Variants in PTPRT observed in about 807,000 individuals in gnomAD.
PTPRT encodes the protein receptor-type tyrosine-protein phosphatase T.
A neutral mutation model predicts 176.8 loss-of-function variants in PTPRT; 56 were observed. That is an observed-to-expected ratio of 0.32 (90% CI 0.26 to 0.40). The LOEUF (loss-of-function observed/expected upper bound fraction) is 0.40, where lower values mean the gene tolerates loss of function less well. Ranked by LOEUF, PTPRT falls within the 10% of genes least tolerant of loss-of-function variation. The pLI, the probability that PTPRT is intolerant of heterozygous loss-of-function variation, is 1.00. For synonymous variants in PTPRT, 783 were observed against 739.0 expected, an observed-to-expected ratio of 1.06 and a Z score of -0.96; for missense variants, 1,540 against 1,908.2, an observed-to-expected ratio of 0.81 and a Z score of 3.60.
intron 13 of PTPRT, among the ~76,000 whole-genome samples, chr20:42,258,480 C>A (rs182446319): frequency 1.3e-5 from 2 of 152,248 alleles, no homozygotes; most frequent in African/African-American, 2.4e-5. Flanking sequence ...CTATATAATA[C>A]CTTTATTGAT....
At chr20:42,905,639 T>C (rs959588933) in intron 1 of PTPRT, among the ~76,000 whole-genome samples, 1 of 152,250 alleles carries the variant, frequency 6.6e-6, no homozygotes, top group African/African-American at 2.4e-5. Context: ...GTGGCACTAT[T>C]CGCAATAGCA....
At chr20:42,576,077 G>T (rs1568989441) in intron 7 of PTPRT, among the ~76,000 whole-genome samples, 1 of 152,144 alleles carries the variant, frequency 6.6e-6, no homozygotes. Context: ...ATCAGCTCTT[G>T]TTTACCCCTC....
the PTPRT span, among the ~76,000 whole-genome samples, chr20:42,040,239 C>T: frequency 6.6e-6 from 1 of 152,178 alleles, no homozygotes; most frequent in Non-Finnish European, 1.5e-5. Context: ...TGCCTTCCAA[C>T]CTAGCCATGG....
intron 7 of PTPRT, among the ~76,000 whole-genome samples, chr20:42,504,488 T>G (rs2071809529): frequency 6.6e-6 from 1 of 152,158 alleles, no homozygotes; most frequent in Admixed American, 6.6e-5. Flanking sequence ...AACTGAAAAT[T>G]AAAATCTTAT....
chr20:43,151,361 A>C (rs1265848850), intron 1 of PTPRT, among the ~76,000 whole-genome samples: 1 of 149,632 alleles, frequency 6.7e-6, no homozygotes, highest in Non-Finnish European at 1.5e-5. Flanking sequence ...GCATAGGAAC[A>C]GAAAGCTTCT....
rs1270911088 is a variant in PTPRT at position 42,665,483 on chromosome 20, A to T, written c.1153+12383T>A. 1.2e-3 allele frequency among the ~76,000 whole-genome samples: 190 copies of T among 152,200 alleles called. 1 individual carries two copies. Among genetic ancestry groups the T allele is most frequent in the Non-Finnish European group, 2.1e-3 (141 of 67,992 alleles). ...GATGTGGAGAAATAGGAACACTTTT[A>T]CACTGTTGGTGGGACTGTAAACTAG... On this transcript the variant is annotated intron_variant, in intron 7 of 30. Transcript: ENST00000373187.
chr20:42,401,664 A>G (rs143633616), intron 9 of PTPRT, among the ~76,000 whole-genome samples: 2 of 152,208 alleles, frequency 1.3e-5, no homozygotes, highest in Non-Finnish European at 2.9e-5. Context: ...CCGAGCCCCA[A>G]TCCCCTCCTT....
intron 29 of PTPRT, among the ~76,000 whole-genome samples, chr20:42,083,710 G>A (rs1983590631): frequency 6.6e-6 from 1 of 152,216 alleles, no homozygotes; most frequent in South Asian, 2.1e-4. Flanking sequence ...AGAAATATTT[G>A]TTGTAAGAAA....
intron 2 of PTPRT, among the ~76,000 whole-genome samples, chr20:42,853,217 T>C (rs192821377): frequency 4.6e-5 from 7 of 152,256 alleles, no homozygotes; most frequent in Admixed American, 3.9e-4. Context: ...AGCAGAAGCC[T>C]CATATGAAGA....
At chr20:43,125,988 G>T (rs963870614) in intron 1 of PTPRT, among the ~76,000 whole-genome samples, 1 of 152,222 alleles carries the variant, frequency 6.6e-6, no homozygotes, top group African/African-American at 2.4e-5. Flanking sequence ...TTGGGAGAAG[G>T]TTTGTCAAAA....
chr20:42,853,590 G>T (rs115906172), intron 2 of PTPRT, among the ~76,000 whole-genome samples: 1 of 152,158 alleles, frequency 6.6e-6, no homozygotes, highest in Non-Finnish European at 1.5e-5. Flanking sequence ...GAACTCCTCT[G>T]CCCTTTTGTT....
At chr20:42,269,110 A>T (rs1221804366) in intron 13 of PTPRT, among the ~76,000 whole-genome samples, 1 of 152,162 alleles carries the variant, frequency 6.6e-6, no homozygotes, top group Non-Finnish European at 1.5e-5. Context: ...GCTCAGGTAG[A>T]TGCAGATCTC....
In PTPRT at chr20:43,189,340, GGCA is replaced by G. The variant is rs2015477894; in HGVS notation, c.88+303_88+305del. ...AAGTGGCAGATTCCGACAAGTGGGA[GGCA>G]GCAAGTGGAAATATTCGCAACAACC... is the stretch of plus-strand genomic sequence containing the variant. On this transcript the variant is annotated intron_variant, in intron 1 of 30. Coordinates refer to ENST00000373187, the MANE Select transcript of PTPRT (RefSeq NM_007050.6). This position sits in a 1 kb window ranked among gnomAD's most constrained non-coding sequence, Gnocchi z 5.0. 6.6e-6 allele frequency among the ~76,000 whole-genome samples: 1 copy of G among 152,172 alleles called. No individual in the cohort carries two copies. The highest frequency in any genetic ancestry group is 6.5e-5 in the Admixed American group (1 of 15,280).
chr20:42,401,136 TAAA>T (rs2058902285), intron 9 of PTPRT, among the ~76,000 whole-genome samples: 1 of 72,220 alleles, frequency 1.4e-5, no homozygotes, highest in South Asian at 3.9e-4. Flanking sequence ...AAAACAGTAA[TAAA>T]TAAATAAATA....
chr20:42,886,033 C>T, intron 1 of PTPRT, 101 bp from the exon 2 acceptor site: 1 of 884,552 alleles, frequency 1.1e-6, no homozygotes, highest in Non-Finnish European at 1.5e-6. Context: ...GAATTTTAAA[C>T]TCTGGAGAAG....
At chr20:42,959,955 A>G (rs1373219045) in intron 1 of PTPRT, among the ~76,000 whole-genome samples, 1 of 152,036 alleles carries the variant, frequency 6.6e-6, no homozygotes, top group Non-Finnish European at 1.5e-5. Flanking sequence ...ATCTCATCCC[A>G]TGCTCAGGTT....
chr20:42,956,146 C>T (rs950699231), intron 1 of PTPRT, among the ~76,000 whole-genome samples: 4 of 152,172 alleles, frequency 2.6e-5, no homozygotes, highest in African/African-American at 9.7e-5. Flanking sequence ...CCAGATCCTA[C>T]CCCGTAGTAT....
Position 42,248,751 on chromosome 20 carries a change from C to G in PTPRT, c.2248G>C (p.Val750Leu). The G allele has an allele frequency of 1.9e-6, 3 of 1,614,068 alleles. No individual in the cohort carries two copies. The highest frequency in any genetic ancestry group is 2.5e-6 in the Non-Finnish European group (3 of 1,179,980). Residue 750 changes from valine to leucine, a missense_variant, in exon 14 of 31, where the codon GTG becomes CTG. Coordinates refer to ENST00000373187, the MANE Select transcript of PTPRT (RefSeq NM_007050.6). Reference sequence around the variant, plus strand: ...ATGAACATGAGGAGGCCAGCGATCACGCCAGCCATCTTCACGGTGTTGTCC... The same window carrying G: ...ATGAACATGAGGAGGCCAGCGATCAGGCCAGCCATCTTCACGGTGTTGTCC... ...QVDNTVKMAGVIAGLLMFIII... is the reference protein window; with the variant it reads ...QVDNTVKMAGLIAGLLMFIII...
chr20:42,166,171 C>T (rs6130069), intron 16 of PTPRT, among the ~76,000 whole-genome samples: 15,165 of 152,132 alleles, frequency 0.1, 843 homozygotes, highest in East Asian at 0.18. Context: ...ACAGACTTAT[C>T]CAGAGCCAGA....
Sources: allele counts gnomAD v4.1 joint callset (sites outside exome capture counted in the v4.1 genomes callset), GRCh38; gene constraint gnomAD v4.1.1; non-coding constraint Gnocchi (gnomAD v3.1); transcripts MANE v1.5; gene names NCBI Gene and HGNC (gene_info 2026-07-23, HGNC 2026-07-21).